Variants in LCA5 observed in about 807,000 individuals in gnomAD.
LCA5 encodes the protein lebercilin LCA5.
A neutral mutation model predicts 53.0 loss-of-function variants in LCA5; 37 were observed. The observed-to-expected ratio is 0.70, with a 90% CI of 0.54 to 0.92. LCA5 has a LOEUF of 0.92. Among genes scored for constraint, LCA5 ranks in the 40% least tolerant of loss-of-function variants. The probability of loss-of-function intolerance (pLI) is 0.00; values close to 1 mark genes in which losing one functional copy is unlikely to be tolerated. For missense variants in LCA5, 806 were observed against 790.5 expected (o/e 1.02, Z -0.23); for synonymous variants, 303 against 282.9 (o/e 1.07, Z -0.71).
chr6:79,487,242 G>A lies in LCA5; in HGVS notation c.1856C>T (p.Ser619Phe), dbSNP rs1360585621. ...FGASGSSTIS[S>F]KSSDPNSVAS... ...CACAGAATTTGGGTCACTGCTTTTG[G>A]AGGAAATGGTGCTGCTACCACTGGC... The change falls in exon 8 of 8, where the codon TCC (serine) becomes TTC (phenylalanine). Residue 619 changes from serine (S) to phenylalanine (F), a missense_variant. Coordinates refer to ENST00000369846, the MANE Select transcript of LCA5 (RefSeq NM_001122769.3). The A allele has an allele frequency of 6.2e-7, 1 of 1,614,000 alleles. No homozygotes were observed. The highest frequency in any genetic ancestry group is 1.7e-5 in the Admixed American group (1 of 60,002).
intron 1 of LCA5, among the ~76,000 whole-genome samples, chr6:79,525,475 TCC>T (rs1766757142): frequency 6.6e-6 from 1 of 152,136 alleles, no homozygotes; most frequent in Non-Finnish European, 1.5e-5. Flanking sequence ...GGCAACACCC[TCC>T]TAGGCAAAAA....
At chr6:79,525,408 T>C (rs1225491012) in intron 1 of LCA5, 1 of 152,230 alleles carries the variant, frequency 6.6e-6, no homozygotes, top group South Asian at 2.1e-4. Flanking sequence ...ATAAATATCC[T>C]GTTCACAGGA....
chr6:79,487,487 C>T lies in LCA5; in HGVS notation c.1611G>A (p.Gln537=), dbSNP rs776020018. The change falls in exon 8 of 8, where the codon CAG becomes CAA. Residue 537 remains glutamine (Q), a synonymous_variant. Transcript: ENST00000369846. ...CTGGACTTCTAACATTTCCTGAATT[C>T]TGACCTTCTCCTTTTGGAGTTGAGA... The part of the protein sequence containing the change: ...ISFSTPKGEG[Q]NSGNVRSPAS... 22 of 1,613,908 alleles carry T rather than the reference C, an allele frequency of 1.4e-5. No homozygotes were observed. Among genetic ancestry groups the T allele is most frequent in the Non-Finnish European group, 1.9e-5 (22 of 1,179,938 alleles).
chr6:79,515,158 A>G (rs1766390144), intron 2 of LCA5, among the ~76,000 whole-genome samples: 1 of 152,146 alleles, frequency 6.6e-6, no homozygotes, highest in South Asian at 2.1e-4. Flanking sequence ...TCTCTGGACA[A>G]TTCAATCAAA....
intron 1 of LCA5, among the ~76,000 whole-genome samples, chr6:79,535,489 G>A (rs569174543): frequency 6.6e-5 from 10 of 152,218 alleles, no homozygotes; most frequent in African/African-American, 2.4e-4. Context: ...AACTACACTT[G>A]GTGACAGATT....
Position 79,487,310 on chromosome 6 carries a change from TG to T in LCA5, c.1787del (p.Thr596LysfsTer9). On this transcript the variant is annotated frameshift_variant, in exon 8 of 8. Transcript: ENST00000369846. LOFTEE classifies it high-confidence loss of function. ...TCAAATTAGCTTTTTTCTCTTTTCT[TG>T]TAATTAAATCTACACCATCTTTACT... ...KLSKDGVDLITRKEKKANLME... is the reference protein window; with the variant it reads ...KLSKDGVDLIXRKEKKANLME... 6.2e-7 allele frequency: 1 copy of T among 1,613,590 alleles called. No homozygotes were observed. Among genetic ancestry groups the T allele is most frequent in the Non-Finnish European group, 8.5e-7 (1 of 1,179,752 alleles).
chr6:79,526,536 A>G (rs1359682653), intron 1 of LCA5, among the ~76,000 whole-genome samples: 2 of 152,108 alleles, frequency 1.3e-5, no homozygotes. Flanking sequence ...AGAGCGAGAC[A>G]CCGTCTCAAA....
rs1193164991 is a variant in LCA5, at chr6:79,506,844, G to A, written c.720+6368C>T. ...AAAGGCTCCACTGAAACATATACACGTTTGGAAAGTCTGTATAACTCAATG... is the reference window on the plus strand; with the variant it reads ...AAAGGCTCCACTGAAACATATACACATTTGGAAAGTCTGTATAACTCAATG... On this transcript the variant is annotated intron_variant, in intron 3 of 7. Transcript: ENST00000369846. Among the ~76,000 whole-genome samples, 9 of 152,200 alleles carry A rather than the reference G, an allele frequency of 5.9e-5. No individual in the cohort carries two copies. In the East Asian group the frequency reaches 7.7e-4, roughly 13 times the overall value.
In LCA5 at chr6:79,519,001, A is replaced by G; in HGVS notation, c.-107T>C. 3 of 1,071,212 alleles carry G rather than the reference A, an allele frequency of 2.8e-6. No homozygotes were observed. The highest frequency in any genetic ancestry group is 4.7e-5 in the East Asian group (2 of 42,468). 66.4% of individuals were successfully genotyped at this position (1,071,212 alleles called of 1,614,324 possible). A position where few individuals can be genotyped will look rare whatever the true frequency, so the allele number is the denominator to read the frequency against. ...TTCACAGTCTTCAGATCCTGATAAT[A>G]TTCATTTCTGTGCAATCTATTTTCT... On this transcript the variant is annotated 5_prime_UTR_variant, in exon 2 of 8. Coordinates refer to ENST00000369846, the MANE Select transcript of LCA5 (RefSeq NM_001122769.3).
chr6:79,500,205 AT>A lies in LCA5; in HGVS notation c.721-6456del, dbSNP rs372955890. Among the ~76,000 whole-genome samples the A allele has an allele frequency of 2.4e-3, 362 of 152,090 alleles. 2 individuals carry two copies. The highest frequency in any genetic ancestry group is 8.4e-3 in the African/African-American group (349 of 41,500). On this transcript the variant is annotated intron_variant, in intron 3 of 7. Coordinates refer to ENST00000369846, the MANE Select transcript of LCA5 (RefSeq NM_001122769.3). Reference sequence around the variant, plus strand: ...AGCATGATTTACAGTCCTTTGGGTAATTTTTTTCCCCACTTTTACTGTAAAT... The same window carrying A: ...AGCATGATTTACAGTCCTTTGGGTAATTTTTTCCCCACTTTTACTGTAAAT...
rs752812734 is a variant in LCA5, at chr6:79,487,254, C to T, written c.1844G>A (p.Ser615Asn). The change falls in exon 8 of 8, where the codon AGC becomes AAC. Residue 615 changes from serine (S) to asparagine (N), a missense_variant. By Grantham distance (46) the Ser-to-Asn change is conservative. Coordinates refer to ENST00000369846, the MANE Select transcript of LCA5 (RefSeq NM_001122769.3). ...MEQLFGASGSSTISSKSSDPN... is the reference protein window; with the variant it reads ...MEQLFGASGSNTISSKSSDPN... Reference sequence around the variant, plus strand: ...GTCACTGCTTTTGGAGGAAATGGTGCTGCTACCACTGGCACCAAATAACTG... The same window carrying T: ...GTCACTGCTTTTGGAGGAAATGGTGTTGCTACCACTGGCACCAAATAACTG... The T allele has an allele frequency of 5.6e-6, 9 of 1,614,070 alleles. No homozygotes were observed. In the South Asian group the frequency reaches 7.7e-5, roughly 14 times the overall value.
At chr6:79,532,945 T>C (rs1406238871) in intron 1 of LCA5, among the ~76,000 whole-genome samples, 3 of 152,168 alleles carry the variant, frequency 2.0e-5, no homozygotes, top group Admixed American at 6.6e-5. Context: ...AAATTTTCCT[T>C]TTTGTTTTAA....
chr6:79,533,270 G>T (rs1341502853), intron 1 of LCA5, among the ~76,000 whole-genome samples: 1 of 152,084 alleles, frequency 6.6e-6, no homozygotes, highest in Admixed American at 6.5e-5. Flanking sequence ...GGACACTGAA[G>T]ATTTATAGTC....
chr6:79,507,038 A>G (rs1459059308), intron 3 of LCA5, among the ~76,000 whole-genome samples: 5 of 152,188 alleles, frequency 3.3e-5, no homozygotes, highest in African/African-American at 1.2e-4. Flanking sequence ...AATACCAAAA[A>G]ACAATATCCA....
In LCA5 at chr6:79,487,409, T is replaced by C. The variant is rs1769697403; in HGVS notation, c.1689A>G (p.Thr563=). 6.2e-7 allele frequency: 1 copy of C among 1,613,078 alleles called. No homozygotes were observed. Among genetic ancestry groups the C allele is most frequent in the Non-Finnish European group, 8.5e-7 (1 of 1,179,592 alleles). ...FGSYVPSFAK[T]SERSNPFSQK... Reference sequence around the variant, plus strand: ...GACTAAATGGATTTGACCTCTCTGATGTTTTTGCAAACGAAGGCACGTAGC... The same window carrying C: ...GACTAAATGGATTTGACCTCTCTGACGTTTTTGCAAACGAAGGCACGTAGC... Residue 563 remains threonine (T), a synonymous_variant, in exon 8 of 8, where the codon ACA becomes ACG. Coordinates refer to ENST00000369846, the MANE Select transcript of LCA5 (RefSeq NM_001122769.3).
At chr6:79,510,562 A>G (rs773129939) in intron 3 of LCA5, among the ~76,000 whole-genome samples, 1 of 152,184 alleles carries the variant, frequency 6.6e-6, no homozygotes. Context: ...CCAAAGCACA[A>G]TCCATAAGAG....
intron 6 of LCA5, 144 bp downstream of exon 6, chr6:79,491,444 A>G: frequency 1.1e-4 from 77 of 719,252 alleles, no homozygotes; most frequent in Non-Finnish European, 1.7e-4. Flanking sequence ...AATACACGAT[A>G]CCTCTTTCCC....
At chr6:79,500,229 A>C (rs1440398737) in intron 3 of LCA5, among the ~76,000 whole-genome samples, 1 of 152,130 alleles carries the variant, frequency 6.6e-6, no homozygotes, top group Non-Finnish European at 1.5e-5. Flanking sequence ...TTTTACTGTA[A>C]ATTTCAAAAC....
intron 3 of LCA5, among the ~76,000 whole-genome samples, chr6:79,499,859 A>G (rs1207621441): frequency 9.7e-6 from 1 of 103,096 alleles, no homozygotes; most frequent in African/African-American, 3.8e-5. Flanking sequence ...CCCCCACCCC[A>G]CAACAGTCCC....
Sources: gnomAD v4.1 joint callset for allele counts (sites outside exome capture counted in the v4.1 genomes callset) on GRCh38, gnomAD v4.1.1 for gene constraint, MANE v1.5 for transcripts, NCBI Gene and HGNC (gene_info 2026-07-23, HGNC 2026-07-21) for gene names.